PCDHGA6: variants seen among roughly 807,000 people sequenced by gnomAD.
PCDHGA6 encodes the protein protocadherin gamma subfamily A, 6.
Under a neutral mutation model 60.6 loss-of-function variants are expected in PCDHGA6, and 41 were observed. That is an observed-to-expected ratio of 0.68 (90% CI 0.53 to 0.88). The LOEUF is 0.88. Among genes scored for constraint, PCDHGA6 ranks in the 40% least tolerant of loss-of-function variants. The pLI is 0.00. For synonymous variants in PCDHGA6, 594 were observed against 524.4 expected (o/e 1.13, Z -1.81); for missense variants, 1,312 against 1,203.0 (o/e 1.09, Z -1.34).
At chr5:141,479,685 G>C (rs749895405) in intron 1 of PCDHGA6, 2 of 152,130 alleles carry the variant, frequency 1.3e-5, no homozygotes, top group Non-Finnish European at 2.9e-5. Context: ...AGTCTTTTTG[G>C]TGCCTCCAGT....
intron 1 of PCDHGA6, chr5:141,427,068 G>A (rs1407368715): frequency 2.2e-6 from 1 of 457,950 alleles, no homozygotes; most frequent in East Asian, 6.9e-5. Flanking sequence ...TGTACTAAAG[G>A]TGACAGCCAC....
intron 3 of PCDHGA6, among the ~76,000 whole-genome samples, chr5:141,508,761 C>G (rs943236216): frequency 6.6e-6 from 1 of 151,974 alleles, no homozygotes; most frequent in Admixed American, 6.6e-5. Context: ...TCTGGCGCCT[C>G]TGAGGTCCCC....
rs1329158220 is a variant in PCDHGA6, at chr5:141,413,339, A to G, written c.2424+36832A>G. On this transcript the variant is annotated intron_variant, in intron 1 of 3. Coordinates refer to ENST00000517434, the MANE Select transcript of PCDHGA6 (RefSeq NM_018919.3). Reference sequence around the variant, plus strand: ...TCTTTCGTGGGCAACATCTCCAAGGACTTGGGTCTGGCGCCCCGGGAGCTG... The same window carrying G: ...TCTTTCGTGGGCAACATCTCCAAGGGCTTGGGTCTGGCGCCCCGGGAGCTG... The G allele has an allele frequency of 1.3e-5, 21 of 1,613,832 alleles. No individual in the cohort carries two copies. Among genetic ancestry groups the G allele is most frequent in the African/African-American group, 2.7e-5 (2 of 74,940 alleles).
At chr5:141,473,039 A>G (rs1593411714) in intron 1 of PCDHGA6, among the ~76,000 whole-genome samples, 1 of 152,016 alleles carries the variant, frequency 6.6e-6, no homozygotes, top group East Asian at 1.9e-4. Context: ...GGAAGGAAAG[A>G]AAGAAAGAAG....
intron 3 of PCDHGA6, among the ~76,000 whole-genome samples, chr5:141,507,893 G>C (rs750472786): frequency 2.2e-4 from 33 of 152,356 alleles, no homozygotes; most frequent in Non-Finnish European, 4.1e-4. Context: ...AGAGGTTCCT[G>C]AAGTCCAGCC....
Position 141,490,942 on chromosome 5 carries a change from C to T in PCDHGA6, c.2425-3865C>T, listed in dbSNP as rs371286343. On this transcript the variant is annotated intron_variant, in intron 1 of 3. Coordinates refer to ENST00000517434, the MANE Select transcript of PCDHGA6 (RefSeq NM_018919.3). This position sits in a 1 kb window ranked among gnomAD's most constrained non-coding sequence, Gnocchi z 5.4. ...TAATGCCCCAGCTGTGCTGCACCCA[C>T]GGCCAGACTGGGAACACTCAGCCCC... 8.7e-5 allele frequency: 141 copies of T among 1,613,526 alleles called. No individual in the cohort carries two copies. Among genetic ancestry groups the T allele is most frequent in the Non-Finnish European group, 1.1e-4 (126 of 1,179,768 alleles).
At chr5:141,405,440 GAC>G (rs1297950312) in intron 1 of PCDHGA6, 3 of 1,417,402 alleles carry the variant, frequency 2.1e-6, no homozygotes, top group Non-Finnish European at 2.9e-6. Flanking sequence ...TTGTTTTTGA[GAC>G]AGAGTCTTAC....
chr5:141,509,638 A>G (rs1204228233), intron 3 of PCDHGA6, among the ~76,000 whole-genome samples: 1 of 152,174 alleles, frequency 6.6e-6, no homozygotes, highest in Admixed American at 6.5e-5. Flanking sequence ...ATGCTGAGCC[A>G]GGGCCAGAGT....
In PCDHGA6 at chr5:141,489,088, G is replaced by GGCA; in HGVS notation, c.2425-5719_2425-5718insGCA. The GGCA allele has an allele frequency of 2.9e-6, 1 of 347,238 alleles. No individual in the cohort carries two copies. Among genetic ancestry groups the GGCA allele is most frequent in the Non-Finnish European group, 5.0e-6 (1 of 200,706 alleles). The allele number at this position is 347,238 out of a possible 1,614,324, so 21.5% of individuals were successfully genotyped here. A position where few individuals can be genotyped will look rare whatever the true frequency, so the allele number is the denominator to read the frequency against. The stretch of plus-strand genomic sequence containing the variant: ...CCCCTGCCCACCCCCGCCACTCGGT[G>GGCA]ACTAAGAACTGCTGCAAGCAGGCAA... On this transcript the variant is annotated intron_variant, in intron 1 of 3. Coordinates refer to ENST00000517434, the MANE Select transcript of PCDHGA6 (RefSeq NM_018919.3). This position sits in a 1 kb window ranked among gnomAD's most constrained non-coding sequence, Gnocchi z 4.5.
chr5:141,404,683 GGCACCCCGCTCT>G (rs1306876302), intron 1 of PCDHGA6: 2 of 1,614,070 alleles, frequency 1.2e-6, no homozygotes, highest in Admixed American at 1.7e-5. Context: ...GTGTGGAGCT[GGCACCCCGCTCT>G]GCAGAGCCTG....
chr5:141,423,746 T>G, intron 1 of PCDHGA6: 2 of 384,794 alleles, frequency 5.2e-6, no homozygotes, highest in Non-Finnish European at 6.6e-6. Flanking sequence ...TTATGAAAAC[T>G]GTTTGGGGGG....
chr5:141,478,204 T>C (rs775367944), intron 1 of PCDHGA6: 7 of 1,613,950 alleles, frequency 4.3e-6, no homozygotes, highest in Middle Eastern at 1.6e-4. Context: ...ATCTACTTCT[T>C]TCTCTAATCC....
Position 141,477,952 on chromosome 5 carries a change from A to T in PCDHGA6, c.2425-16855A>T, listed in dbSNP as rs907708638. ...CCTGGCTCTCCTACAGTCTCTTGGG[A>T]TCCCCTAACCAGAGCCTTTTTGCCA... On this transcript the variant is annotated intron_variant, in intron 1 of 3. Coordinates refer to ENST00000517434, the MANE Select transcript of PCDHGA6 (RefSeq NM_018919.3). This position sits in a 1 kb window ranked among gnomAD's most constrained non-coding sequence, Gnocchi z 4.9. The T allele has an allele frequency of 1.9e-6, 3 of 1,613,920 alleles. No individual in the cohort carries two copies. The African/African-American group carries it at 4.0e-5, about 22-fold the overall frequency.
At position 141,375,967 on chromosome 5, in the gene PCDHGA6, G is replaced by A. The variant is rs200712802; in HGVS notation, c.1884G>A (p.Thr628=). ...SVGLHTGEVR[T]ARALLDRDAL... ...GCCTGCACACGGGCGAGGTGCGCACGGCGCGCGCCCTGCTGGACAGAGACG... is the reference window on the plus strand; with the variant it reads ...GCCTGCACACGGGCGAGGTGCGCACAGCGCGCGCCCTGCTGGACAGAGACG... Residue 628 remains threonine (T), a synonymous_variant, in exon 1 of 4, where the codon ACG becomes ACA. Coordinates refer to ENST00000517434, the MANE Select transcript of PCDHGA6 (RefSeq NM_018919.3). The A allele has an allele frequency of 2.6e-5, 42 of 1,613,250 alleles. No homozygotes were observed. The highest frequency in any genetic ancestry group is 3.5e-5 in the Non-Finnish European group (41 of 1,179,886).
At position 141,487,075 on chromosome 5, in the gene PCDHGA6, C is replaced by T. The variant is rs755563146; in HGVS notation, c.2425-7732C>T. The T allele has an allele frequency of 1.9e-6, 3 of 1,614,116 alleles. No individual in the cohort carries two copies. The highest frequency in any genetic ancestry group is 2.5e-6 in the Non-Finnish European group (3 of 1,179,982). ...GGGAGGTGCGGACGGCTGTTCCTATCCCAGCTGACCTCCCACCACAGAAGC... is the reference window on the plus strand; with the variant it reads ...GGGAGGTGCGGACGGCTGTTCCTATTCCAGCTGACCTCCCACCACAGAAGC... On this transcript the variant is annotated intron_variant, in intron 1 of 3. Transcript: ENST00000517434. This position sits in a 1 kb window ranked among gnomAD's most constrained non-coding sequence, Gnocchi z 5.0.
intron 1 of PCDHGA6, among the ~76,000 whole-genome samples, chr5:141,454,731 G>T (rs1249851832): frequency 6.7e-6 from 1 of 150,262 alleles, no homozygotes; most frequent in Non-Finnish European, 1.5e-5. Context: ...ATATGTTATA[G>T]GATGAAAAGA....
chr5:141,428,304 G>C, intron 1 of PCDHGA6: 1 of 695,706 alleles, frequency 1.4e-6, no homozygotes, highest in South Asian at 1.6e-5. Flanking sequence ...AGATTTACCT[G>C]GTCGTGGCCT....
chr5:141,375,026 T>C lies in PCDHGA6; in HGVS notation c.943T>C (p.Tyr315His). The change falls in exon 1 of 4, where the codon TAT (tyrosine) becomes CAT (histidine). Residue 315 changes from tyrosine (Y) to histidine (H), a missense_variant. Coordinates refer to ENST00000517434, the MANE Select transcript of PCDHGA6 (RefSeq NM_018919.3). ...TCTAGACTATGAGGACTCGAGTTTT[T>C]ATGAGCTGGGTGTTGAAGCCCGGGA... ...ANLDYEDSSF[Y>H]ELGVEARDGP... 2 of 1,614,030 alleles carry C rather than the reference T, an allele frequency of 1.2e-6. No individual in the cohort carries two copies. Among genetic ancestry groups the C allele is most frequent in the Non-Finnish European group, 1.7e-6 (2 of 1,179,896 alleles).
intron 2 of PCDHGA6, among the ~76,000 whole-genome samples, chr5:141,504,490 TGC>T (rs2099838709): frequency 6.6e-6 from 1 of 152,056 alleles, no homozygotes; most frequent in Non-Finnish European, 1.5e-5. Flanking sequence ...TGGAGGCACC[TGC>T]CCAGTCTGAG....
Sources: allele counts gnomAD v4.1 joint callset (sites outside exome capture counted in the v4.1 genomes callset), GRCh38; gene constraint gnomAD v4.1.1; non-coding constraint Gnocchi (gnomAD v3.1); transcripts MANE v1.5; gene names NCBI Gene and HGNC (gene_info 2026-07-23, HGNC 2026-07-21).